CCDC148: variants seen among roughly 807,000 people sequenced by gnomAD.
The protein encoded by CCDC148 is coiled-coil domain containing 148, also known as coiled-coil domain-containing protein 148.
Under a neutral mutation model 85.7 loss-of-function variants are expected in CCDC148, and 89 were observed. That is an observed-to-expected ratio of 1.04 (90% confidence interval 0.87 to 1.24). The LOEUF (loss-of-function observed/expected upper bound fraction) is 1.24. Ranked by LOEUF, CCDC148 falls within the 50% of genes most tolerant of loss-of-function variation. CCDC148 has a pLI of 0.00. For missense variants in CCDC148, 692 were observed against 671.7 expected (o/e 1.03, Z -0.33); for synonymous variants, 230 against 213.9 (o/e 1.08, Z -0.66).
chr2:158,282,551 C>G (rs564491814), intron 9 of CCDC148, among the ~76,000 whole-genome samples: 1 of 152,198 alleles, frequency 6.6e-6, no homozygotes, highest in African/African-American at 2.4e-5. Context: ...GAATAAAATA[C>G]CTAGGAATCC....
chr2:158,298,150 T>C (rs1480213805), intron 9 of CCDC148, among the ~76,000 whole-genome samples: 2 of 152,130 alleles, frequency 1.3e-5, no homozygotes, highest in African/African-American at 4.8e-5. Flanking sequence ...ACTCACTCAG[T>C]AATAGGAGAA....
At chr2:158,279,237 G>C (rs1395691431) in intron 9 of CCDC148, among the ~76,000 whole-genome samples, 2 of 152,188 alleles carry the variant, frequency 1.3e-5, no homozygotes, top group Admixed American at 6.5e-5. Context: ...CTCCTCCAAA[G>C]GATCGCAGTT....
Position 158,340,312 on chromosome 2 carries a change from T to C in CCDC148, c.416A>G (p.Tyr139Cys). ...ATGCTGCAAAGTGTGATGCTGTCTG[T>C]ATTTTAGATCTGCTCTCAGCTGCTG... ...PIQQLRADLKYRQHHTLQHSH... is the reference protein window; with the variant it reads ...PIQQLRADLKCRQHHTLQHSH... Residue 139 changes from tyrosine (Y) to cysteine (C), a missense_variant, in exon 5 of 14, where the codon TAC becomes TGC. Tyr to Cys is a radical substitution (Grantham distance 194). Transcript: ENST00000283233. 10 of 1,614,016 alleles carry C rather than the reference T, an allele frequency of 6.2e-6. No homozygotes were observed. Among genetic ancestry groups the C allele is most frequent in the Non-Finnish European group, 6.8e-6 (8 of 1,179,954 alleles).
At chr2:158,180,083 G>A (rs1684817926) in intron 11 of CCDC148, among the ~76,000 whole-genome samples, 1 of 152,060 alleles carries the variant, frequency 6.6e-6, no homozygotes, top group African/African-American at 2.4e-5. Context: ...GGTTCTCAGG[G>A]GAGTATTAGC....
intron 10 of CCDC148, among the ~76,000 whole-genome samples, chr2:158,234,690 C>A (rs997103637): frequency 1.3e-5 from 2 of 151,974 alleles, no homozygotes; most frequent in Non-Finnish European, 2.9e-5. Context: ...TGATGTAACA[C>A]TATGCAACCA....
At chr2:158,295,975 T>G (rs1273200119) in intron 9 of CCDC148, among the ~76,000 whole-genome samples, 1 of 152,256 alleles carries the variant, frequency 6.6e-6, no homozygotes, top group Non-Finnish European at 1.5e-5. Context: ...TTTTTATAAA[T>G]TCTGCACACA....
At chr2:158,188,849 G>C (rs28417238) in intron 11 of CCDC148, among the ~76,000 whole-genome samples, 24,427 of 151,750 alleles carry the variant, frequency 0.16, 2,484 homozygotes, top group Non-Finnish European at 0.23. Context: ...CATCTGACAA[G>C]GGACTAATAT....
intron 10 of CCDC148, among the ~76,000 whole-genome samples, chr2:158,229,690 C>T (rs1255924824): frequency 6.6e-6 from 1 of 152,176 alleles, no homozygotes; most frequent in Non-Finnish European, 1.5e-5. Flanking sequence ...TAATGCCTCA[C>T]CTGGGCTGCA....
At chr2:158,330,743 T>G (rs892614420) in intron 7 of CCDC148, among the ~76,000 whole-genome samples, 2 of 152,100 alleles carry the variant, frequency 1.3e-5, no homozygotes, top group Non-Finnish European at 2.9e-5. Context: ...TTTGGGAGGG[T>G]GTATGTGTTA....
In CCDC148 at chr2:158,383,481, TGTA is replaced by T. The variant is rs553334238; in HGVS notation, c.26-24914_26-24912del. Among the ~76,000 whole-genome samples the T allele has an allele frequency of 3.6e-3, 547 of 152,262 alleles. 4 individuals carry two copies. Among genetic ancestry groups the T allele is most frequent in the African/African-American group, 0.012 (508 of 41,570 alleles). On this transcript the variant is annotated intron_variant, in intron 1 of 13. Transcript: ENST00000283233. Reference sequence around the variant, plus strand: ...ATGACTGCAAAGCTATACATCAAAATGTAGTAGTAGTAATCAATGTGAATAGAA... The same window carrying T: ...ATGACTGCAAAGCTATACATCAAAATGTAGTAGTAATCAATGTGAATAGAA...
chr2:158,356,469 C>T (rs1196729652), intron 2 of CCDC148, among the ~76,000 whole-genome samples: 1 of 151,322 alleles, frequency 6.6e-6, no homozygotes, highest in Non-Finnish European at 1.5e-5. Flanking sequence ...AGCCAAAAAA[C>T]ACATGAAAAA....
At chr2:158,378,240 A>G (rs1684734695) in intron 1 of CCDC148, among the ~76,000 whole-genome samples, 1 of 152,152 alleles carries the variant, frequency 6.6e-6, no homozygotes, top group South Asian at 2.1e-4. Context: ...TGGTCTGGAT[A>G]GAAGATCAAA....
intron 11 of CCDC148, among the ~76,000 whole-genome samples, chr2:158,182,411 A>G (rs537506398): frequency 5.3e-4 from 81 of 152,274 alleles, no homozygotes; most frequent in African/African-American, 1.9e-3. Flanking sequence ...AATGCTACAG[A>G]AAGATCAATT....
At chr2:158,266,619 T>G (rs1915814) in intron 9 of CCDC148, among the ~76,000 whole-genome samples, 7,801 of 152,088 alleles carry the variant, frequency 0.051, 322 homozygotes, top group East Asian at 0.14. Flanking sequence ...ATCCCTCACT[T>G]TCTTCCCACC....
chr2:158,176,803 A>G lies in CCDC148; in HGVS notation c.1489-142T>C, dbSNP rs1054931872. The G allele has an allele frequency of 1.8e-5, 16 of 889,514 alleles. No homozygotes were observed. The Middle Eastern group carries it at 1.0e-3, about 57-fold the overall frequency. 55.1% of individuals were successfully genotyped at this position (889,514 alleles called of 1,614,324 possible). ...AGAGGAAAGGGCAGAAGAAATATTA[A>G]TTGGTCAGTCCTAGAGATCCACAAA... On this transcript the variant is annotated intron_variant, in intron 12 of 13. Coordinates refer to ENST00000283233, the MANE Select transcript of CCDC148 (RefSeq NM_138803.4).
rs560711837 is a variant in CCDC148, at chr2:158,306,506, G to T, written c.1110+2927C>A. ...TGGAATACTATGCAGCCATAAAAAA[G>T]GATGAGTTCATGTCCTTTGTAGGGA... On this transcript the variant is annotated intron_variant, in intron 9 of 13. Transcript: ENST00000283233. Among the ~76,000 whole-genome samples the T allele has an allele frequency of 2.7e-3, 407 of 152,134 alleles. 3 individuals carry two copies. Among genetic ancestry groups the T allele is most frequent in the African/African-American group, 9.1e-3 (378 of 41,506 alleles).
At chr2:158,438,029 C>A (rs184773242) in intron 1 of CCDC148, among the ~76,000 whole-genome samples, 14 of 152,058 alleles carry the variant, frequency 9.2e-5, no homozygotes, top group South Asian at 2.1e-4. Context: ...GAATCAATAT[C>A]GTGAAAATGG....
chr2:158,222,468 CTT>C lies in CCDC148; in HGVS notation c.1252-1757_1252-1756del, dbSNP rs139732569. 6.4e-3 allele frequency among the ~76,000 whole-genome samples: 967 copies of C among 151,388 alleles called. 12 individuals are homozygous for C. Among genetic ancestry groups the C allele is most frequent in the African/African-American group, 0.022 (920 of 41,078 alleles). Reference sequence around the variant, plus strand: ...ATAAGTGTGCTCTCTCCCTCTCTCTCTTTCTCTCTCTCTCTCTCTCTAATCCT... The same window carrying C: ...ATAAGTGTGCTCTCTCCCTCTCTCTCTCTCTCTCTCTCTCTCTCTAATCCT... On this transcript the variant is annotated intron_variant, in intron 10 of 13. Coordinates refer to ENST00000283233, the MANE Select transcript of CCDC148 (RefSeq NM_138803.4).
intron 9 of CCDC148, among the ~76,000 whole-genome samples, chr2:158,305,182 T>C (rs1375494040): frequency 6.6e-6 from 1 of 152,108 alleles, no homozygotes; most frequent in Non-Finnish European, 1.5e-5. Flanking sequence ...AGGGTACAAG[T>C]GTGGACCCAT....
Sources: allele counts gnomAD v4.1 joint callset (sites outside exome capture counted in the v4.1 genomes callset), GRCh38; gene constraint gnomAD v4.1.1; transcripts MANE v1.5; gene names NCBI Gene and HGNC (gene_info 2026-07-23, HGNC 2026-07-21).